The following MMEL1 variants were observed in gnomAD, a reference collection of about 807,000 sequenced individuals.
MMEL1 encodes the protein membrane metallo-endopeptidase-like 1.
A neutral mutation model predicts 117.1 loss-of-function variants in MMEL1; 98 were observed. The observed-to-expected ratio is 0.84, with a 90% CI of 0.71 to 0.99. The LOEUF is 0.99. Ranked by LOEUF, MMEL1 falls within the 50% of genes least tolerant of loss-of-function variation. The pLI, the probability that MMEL1 is intolerant of heterozygous loss-of-function variation, is 0.00. For synonymous variants in MMEL1, 390 were observed against 415.1 expected (o/e 0.94, Z 0.74); for missense variants, 1,014 against 1,049.1 (o/e 0.97, Z 0.46).
At chr1:2,608,888 T>C (rs1416886844) in intron 6 of MMEL1, among the ~76,000 whole-genome samples, 1 of 147,236 alleles carries the variant, frequency 6.8e-6, no homozygotes, top group Non-Finnish European at 1.5e-5. Context: ...ATGTAACATA[T>C]ATAGATACAT....
Position 2,612,091 on chromosome 1 carries a change from G to A in MMEL1, c.232+36C>T. 1 of 1,539,804 alleles carries A rather than the reference G, an allele frequency of 6.5e-7. No individual in the cohort carries two copies. Among genetic ancestry groups the A allele is most frequent in the South Asian group, 1.2e-5 (1 of 84,362 alleles). ...CACCTTGGGAGGCCAGCGCCCACCT[G>A]CCTGGGGCTGTTTTGGAAGGGAAGG... On this transcript the variant is annotated intron_variant, in intron 3 of 23. Coordinates refer to ENST00000378412, the MANE Select transcript of MMEL1 (RefSeq NM_033467.4). The surrounding 1 kb of genome is among the most constrained non-coding windows in gnomAD (Gnocchi z 5.4).
In MMEL1 at chr1:2,592,978, C is replaced by A. The variant is rs752223617; in HGVS notation, c.1868-12G>T. The A allele has an allele frequency of 1.9e-6, 3 of 1,611,992 alleles. No homozygotes were observed. Among genetic ancestry groups the A allele is most frequent in the African/African-American group, 2.7e-5 (2 of 74,904 alleles). ...GTCGAAGTTCCGGCCTGGGCAGGGG[C>A]AGAGGAGGGCTGCCCACATGCCCCT... On this transcript the variant is annotated splice_polypyrimidine_tract_variant and intron_variant, in intron 19 of 23. Transcript: ENST00000378412.
intron 19 of MMEL1, among the ~76,000 whole-genome samples, chr1:2,593,401 C>G (rs943416551): frequency 1.3e-5 from 2 of 152,240 alleles, no homozygotes; most frequent in African/African-American, 4.8e-5. Flanking sequence ...AGGGCAGTCC[C>G]CACCGAGGGG....
At chr1:2,622,385 C>A (rs1645303188) in intron 2 of MMEL1, among the ~76,000 whole-genome samples, 1 of 152,170 alleles carries the variant, frequency 6.6e-6, no homozygotes, top group Admixed American at 6.5e-5. Context: ...CAATGGCTGA[C>A]ACCACTGGTC....
chr1:2,632,907 C>G lies in MMEL1; in HGVS notation c.-79G>C, dbSNP rs766610186. 37 of 985,542 alleles carry G rather than the reference C, an allele frequency of 3.8e-5. No individual in the cohort carries two copies. The highest frequency in any genetic ancestry group is 4.5e-5 in the Non-Finnish European group (37 of 830,084). 61.0% of individuals were successfully genotyped at this position (985,542 alleles called of 1,614,324 possible). On this transcript the variant is annotated 5_prime_UTR_variant, in exon 1 of 24. Coordinates refer to ENST00000378412, the MANE Select transcript of MMEL1 (RefSeq NM_033467.4). ...GTGGCTGCCGCCCACAGTCAGGCCC[C>G]TGGAGACTGGGTCCCAGTGGGTTGG...
rs1348603837 is a variant in MMEL1 at position 2,612,179 on chromosome 1, G to C, written c.180C>G (p.Ser60Arg). ...RRGKQLPRLASRLCFLQEERT... is the reference protein window; with the variant it reads ...RRGKQLPRLARRLCFLQEERT... ...TCTCCTCCTGTAAGAAGCACAGCCG[G>C]CTAGCAAGGCGTGGCAGCTGCTTCC... Residue 60 changes from serine (S) to arginine (R), a missense_variant, in exon 3 of 24, where the codon AGC becomes AGG. Physicochemically the swap from Ser to Arg is moderately radical, Grantham distance 110 (BLOSUM62 -1). Coordinates refer to ENST00000378412, the MANE Select transcript of MMEL1 (RefSeq NM_033467.4). The surrounding 1 kb of genome is among the most constrained non-coding windows in gnomAD (Gnocchi z 5.4). 6.3e-7 allele frequency: 1 copy of C among 1,577,830 alleles called. No homozygotes were observed. Among genetic ancestry groups the C allele is most frequent in the African/African-American group, 1.3e-5 (1 of 74,216 alleles).
chr1:2,604,024 G>C, intron 10 of MMEL1, 51 bp from the exon 11 acceptor site: 1 of 1,602,230 alleles, frequency 6.2e-7, no homozygotes, highest in Non-Finnish European at 8.5e-7. Context: ...TGCCCCCTGG[G>C]GCTCCTGGCC....
chr1:2,607,965 G>A (rs551411563), intron 6 of MMEL1, among the ~76,000 whole-genome samples: 76 of 152,254 alleles, frequency 5.0e-4, no homozygotes, highest in African/African-American at 1.6e-3. Flanking sequence ...CTGGGTTCCC[G>A]GCTGGGCTGC....
chr1:2,611,259 A>T, intron 4 of MMEL1, 22 bp downstream of exon 4: 2 of 1,569,214 alleles, frequency 1.3e-6, no homozygotes, highest in Middle Eastern at 1.7e-4. Flanking sequence ...CAGGCTGTGG[A>T]CGGCAAGGGG....
At chr1:2,604,120 G>GCGGCCCC in intron 10 of MMEL1, 27 bp downstream of exon 10, 2 of 1,330,074 alleles carry the variant, frequency 1.5e-6, no homozygotes, top group Non-Finnish European at 2.1e-6. Flanking sequence ...CTCGCTGCCC[G>GCGGCCCC]CTCCCCACCC....
chr1:2,609,770 A>C lies in MMEL1; in HGVS notation c.354T>G (p.Phe118Leu). 6.2e-7 allele frequency: 1 copy of C among 1,613,902 alleles called. No homozygotes were observed. Among genetic ancestry groups the C allele is most frequent in the Non-Finnish European group, 8.5e-7 (1 of 1,180,000 alleles). The change falls in exon 5 of 24, where the codon TTT (phenylalanine) becomes TTG (leucine). Residue 118 changes from phenylalanine to leucine, a missense_variant. Phe to Leu is a conservative substitution (Grantham distance 22). Transcript: ENST00000378412. ...GGCGCCGCAGCCAGCCTCCGCATGCAAACTGGTAGAAGTCGTCACACGGTT... is the reference window on the plus strand; with the variant it reads ...GGCGCCGCAGCCAGCCTCCGCATGCCAACTGGTAGAAGTCGTCACACGGTT... ...TTEPCDDFYQFACGGWLRRHV... is the reference protein window; with the variant it reads ...TTEPCDDFYQLACGGWLRRHV...
intron 2 of MMEL1, among the ~76,000 whole-genome samples, chr1:2,628,922 AG>A (rs1638400811): frequency 8.8e-6 from 1 of 114,002 alleles, no homozygotes; most frequent in Non-Finnish European, 1.7e-5. Flanking sequence ...GGGCGGCGGG[AG>A]GGACACGGAC....
intron 2 of MMEL1, among the ~76,000 whole-genome samples, chr1:2,618,567 C>T (rs1296625322): frequency 2.6e-5 from 4 of 152,210 alleles, no homozygotes; most frequent in African/African-American, 9.7e-5. Flanking sequence ...AAGAAACACC[C>T]TCCCTGGAGG....
intron 14 of MMEL1, 64 bp downstream of exon 14, chr1:2,596,497 C>A: frequency 6.3e-7 from 1 of 1,578,706 alleles, no homozygotes; most frequent in East Asian, 2.2e-5. Flanking sequence ...AGTCTCAGGG[C>A]AGGGAGGCTC....
intron 3 of MMEL1, chr1:2,611,542 G>A: frequency 5.8e-6 from 3 of 520,748 alleles, no homozygotes; most frequent in Non-Finnish European, 1.0e-5. Context: ...AGTCTGGTGG[G>A]GGTGGGGTGT....
rs773313356 is a variant in MMEL1, at chr1:2,594,830, G to A, written c.1648C>T (p.Arg550Trp). The A allele has an allele frequency of 7.4e-6, 12 of 1,613,832 alleles. No individual in the cohort carries two copies. The highest frequency in any genetic ancestry group is 2.2e-5 in the East Asian group (1 of 44,890). ...SLQNLKVGAQ[R>W]SLRKLREKVD... Reference sequence around the variant, plus strand: ...TTTTCCCGAAGCTTCCTGAGGCTCCGCTGGGCGCCCACCTTGAGGTTCTGC... The same window carrying A: ...TTTTCCCGAAGCTTCCTGAGGCTCCACTGGGCGCCCACCTTGAGGTTCTGC... The change falls in exon 17 of 24, where the codon CGG becomes TGG. Residue 550 changes from arginine (R) to tryptophan (W), a missense_variant. By Grantham distance (101) the Arg-to-Trp change is moderately radical. Transcript: ENST00000378412.
At chr1:2,617,341 G>A (rs1645217879) in intron 2 of MMEL1, among the ~76,000 whole-genome samples, 1 of 150,694 alleles carries the variant, frequency 6.6e-6, no homozygotes, top group African/African-American at 2.5e-5. Context: ...GCAGGAGAAT[G>A]GCGTGAACCC....
chr1:2,628,494 T>TGGG (rs1334216665), intron 2 of MMEL1, among the ~76,000 whole-genome samples: 2 of 152,092 alleles, frequency 1.3e-5, no homozygotes, highest in Non-Finnish European at 2.9e-5. Context: ...CCTGCCACGG[T>TGGG]GGGAGCGCCC....
chr1:2,612,278 T>C lies in MMEL1; in HGVS notation c.155-74A>G. The C allele has an allele frequency of 2.4e-6, 3 of 1,266,766 alleles. No homozygotes were observed. The highest frequency in any genetic ancestry group is 3.4e-6 in the Non-Finnish European group (3 of 891,736). The allele number at this position is 1,266,766 out of a possible 1,614,324, so 78.5% of individuals were successfully genotyped here. A position where few individuals can be genotyped will look rare whatever the true frequency, so the allele number is the denominator to read the frequency against. On this transcript the variant is annotated intron_variant, in intron 2 of 23. Coordinates refer to ENST00000378412, the MANE Select transcript of MMEL1 (RefSeq NM_033467.4). This position sits in a 1 kb window ranked among gnomAD's most constrained non-coding sequence, Gnocchi z 5.4. ...TGGGGGTGCTGGGGGCCTCCCTGGGTCAGCACGCCATCTTCCCACAGTGCT... is the reference window on the plus strand; with the variant it reads ...TGGGGGTGCTGGGGGCCTCCCTGGGCCAGCACGCCATCTTCCCACAGTGCT...
Sources: gnomAD v4.1 joint callset for allele counts (sites outside exome capture counted in the v4.1 genomes callset) on GRCh38, gnomAD v4.1.1 for gene constraint, Gnocchi (gnomAD v3.1) non-coding constraint, MANE v1.5 for transcripts, NCBI Gene and HGNC (gene_info 2026-07-23, HGNC 2026-07-21) for gene names.